Variants in RARB observed in about 807,000 individuals in gnomAD.
RARB encodes HBV-activated protein.
RARB carries 17 observed loss-of-function variants against 51.9 expected under a neutral mutation model. That is an observed-to-expected ratio of 0.33 (90% CI 0.22 to 0.49). The LOEUF is 0.49. RARB is among the 20% of genes least tolerant of loss of function. The pLI is 0.99. For synonymous variants in RARB, 215 were observed against 195.4 expected (o/e 1.10, Z -0.84); for missense variants, 369 against 550.8 (o/e 0.67, Z 3.30).
At chr3:25,405,920 C>G (rs896329693) in intron 5 of RARB, among the ~76,000 whole-genome samples, 1 of 151,520 alleles carries the variant, frequency 6.6e-6, no homozygotes, top group African/African-American at 2.4e-5. Context: ...GGAAGACTGT[C>G]CAGAGGGACG....
chr3:25,506,272 A>AG (rs1251799133), intron 3 of RARB, among the ~76,000 whole-genome samples: 2 of 148,434 alleles, frequency 1.3e-5, no homozygotes, highest in African/African-American at 2.5e-5. Context: ...AAAAAAAAAA[A>AG]AAAACCAGCT....
intron 1 of RARB, among the ~76,000 whole-genome samples, chr3:25,435,967 G>A (rs943795932): frequency 6.6e-6 from 1 of 152,154 alleles, no homozygotes; most frequent in African/African-American, 2.4e-5. Flanking sequence ...GAAATTGAAA[G>A]CTGAAAAATG....
chr3:25,336,176 C>A (rs1391774082), intron 5 of RARB, among the ~76,000 whole-genome samples: 2 of 151,728 alleles, frequency 1.3e-5, no homozygotes, highest in East Asian at 3.9e-4. Flanking sequence ...AAAATAAAGA[C>A]AACTGGAAGA....
At chr3:25,578,242 C>G (rs1002282563) in intron 4 of RARB, among the ~76,000 whole-genome samples, 3 of 152,224 alleles carry the variant, frequency 2.0e-5, no homozygotes, top group African/African-American at 7.2e-5. Context: ...AGCCTCATGC[C>G]TATGAATCCA....
chr3:25,371,145 T>G (rs1037027171), intron 5 of RARB, among the ~76,000 whole-genome samples: 1 of 152,210 alleles, frequency 6.6e-6, no homozygotes, highest in African/African-American at 2.4e-5. Context: ...TGTTGGAAAC[T>G]TAACCCCTAA....
chr3:25,449,822 G>A (rs1208257818), intron 1 of RARB, among the ~76,000 whole-genome samples: 2 of 151,550 alleles, frequency 1.3e-5, no homozygotes, highest in East Asian at 3.9e-4. Context: ...TGCGATCTCG[G>A]CTCACTGCAA....
At chr3:25,274,064 C>CT (rs1436403358) in intron 5 of RARB, among the ~76,000 whole-genome samples, 2 of 152,100 alleles carry the variant, frequency 1.3e-5, no homozygotes, top group Admixed American at 6.6e-5. Flanking sequence ...CCAGAGCTGC[C>CT]TAGTAGATGT....
chr3:25,495,655 G>C (rs1339431101), intron 2 of RARB, among the ~76,000 whole-genome samples: 1 of 152,284 alleles, frequency 6.6e-6, no homozygotes, highest in East Asian at 1.9e-4. Flanking sequence ...AGCAGTCAAA[G>C]AGCATGAGGT....
intron 5 of RARB, among the ~76,000 whole-genome samples, chr3:25,236,487 A>G (rs889877968): frequency 2.0e-5 from 3 of 152,136 alleles, no homozygotes; most frequent in Admixed American, 6.6e-5. Flanking sequence ...AAAGCCATGA[A>G]CAATACATAA....
chr3:25,193,102 T>C (rs1678456743), intron 5 of RARB, among the ~76,000 whole-genome samples: 1 of 152,104 alleles, frequency 6.6e-6, no homozygotes, highest in Non-Finnish European at 1.5e-5. Flanking sequence ...AAGTAATTGC[T>C]AACATTCCAA....
intron 4 of RARB, among the ~76,000 whole-genome samples, chr3:25,159,389 G>A (rs940687094): frequency 2.9e-5 from 4 of 139,978 alleles, no homozygotes; most frequent in East Asian, 2.2e-4. Flanking sequence ...GGCTGGTCTC[G>A]AACTCCTGAC....
intron 3 of RARB, among the ~76,000 whole-genome samples, chr3:25,518,048 C>G (rs1298092392): frequency 6.6e-6 from 1 of 152,140 alleles, no homozygotes; most frequent in Non-Finnish European, 1.5e-5. Flanking sequence ...ATGGTGGTGA[C>G]TGTTTCACAA....
chr3:25,248,103 A>G (rs531707923), intron 5 of RARB, among the ~76,000 whole-genome samples: 1 of 152,144 alleles, frequency 6.6e-6, no homozygotes, highest in South Asian at 2.1e-4. Context: ...CTCTTGCTGG[A>G]CTGATCCTTT....
chr3:25,376,598 C>A (rs961654661), intron 5 of RARB, among the ~76,000 whole-genome samples: 13 of 152,152 alleles, frequency 8.5e-5, no homozygotes, highest in African/African-American at 3.1e-4. Context: ...GTGCACCTAC[C>A]TACACAACTC....
chr3:25,029,780 A>T (rs950377819), intron 2 of RARB, among the ~76,000 whole-genome samples: 19 of 152,214 alleles, frequency 1.2e-4, no homozygotes, highest in African/African-American at 4.6e-4. Flanking sequence ...GGAATGGGCA[A>T]TGAGGGTCAC....
intron 1 of RARB, among the ~76,000 whole-genome samples, chr3:24,835,416 T>C (rs1235646993): frequency 2.0e-5 from 3 of 152,200 alleles, no homozygotes; most frequent in Admixed American, 1.3e-4. Flanking sequence ...GGAAGATTCA[T>C]GTCCATCTTC....
intron 2 of RARB, among the ~76,000 whole-genome samples, chr3:24,995,246 T>C (rs62228469): frequency 6.6e-6 from 1 of 151,582 alleles, no homozygotes; most frequent in South Asian, 2.1e-4. Context: ...TTTTTATAGC[T>C]TTTGTAAATG....
chr3:25,154,756 C>G (rs576859454), intron 4 of RARB, among the ~76,000 whole-genome samples: 1 of 152,326 alleles, frequency 6.6e-6, no homozygotes, highest in South Asian at 2.1e-4. Flanking sequence ...GCAGAAGGCC[C>G]TTGCCCAGTT....
At chr3:24,914,406 A>G (rs1261905979) in intron 2 of RARB, among the ~76,000 whole-genome samples, 1 of 152,080 alleles carries the variant, frequency 6.6e-6, no homozygotes, top group Non-Finnish European at 1.5e-5. Context: ...GCCCTCTCAG[A>G]TAGGCCTTAT....
Sources: gnomAD v4.1 joint callset for allele counts (sites outside exome capture counted in the v4.1 genomes callset) on GRCh38, gnomAD v4.1.1 for gene constraint, MANE v1.5 for transcripts, NCBI Gene and HGNC (gene_info 2026-07-23, HGNC 2026-07-21) for gene names.